Variants in BTBD8 observed in about 807,000 individuals in gnomAD.
BTBD8 encodes the protein BTB/POZ domain-containing protein 8.
In BTBD8, 110 loss-of-function variants were observed where a neutral mutation model predicts 162.9. The observed-to-expected ratio is 0.68, with a 90% CI of 0.58 to 0.79. BTBD8 has a LOEUF of 0.79. BTBD8 is among the 30% of genes least tolerant of loss of function. BTBD8 has a pLI of 0.00. For missense variants in BTBD8, 1,905 were observed against 2,085.4 expected, an observed-to-expected ratio of 0.91 and a Z score of 1.68; for synonymous variants, 667 against 716.1, an observed-to-expected ratio of 0.93 and a Z score of 1.10.
At chr1:92,163,306 G>C (rs1157886218) in intron 9 of BTBD8, among the ~76,000 whole-genome samples, 1 of 117,674 alleles carries the variant, frequency 8.5e-6, no homozygotes, top group African/African-American at 3.3e-5. Context: ...AGTGAGCCGA[G>C]ATCACGCCAC....
At chr1:92,100,755 A>G (rs1349753419) in intron 2 of BTBD8, among the ~76,000 whole-genome samples, 1 of 151,852 alleles carries the variant, frequency 6.6e-6, no homozygotes, top group Non-Finnish European at 1.5e-5. Context: ...GATTACAGGC[A>G]CCCTGTACCA....
At chr1:92,152,573 G>C (rs1165829839) in intron 9 of BTBD8, among the ~76,000 whole-genome samples, 8 of 152,150 alleles carry the variant, frequency 5.3e-5, no homozygotes, top group African/African-American at 1.4e-4. Context: ...GTATTCTGCT[G>C]TAACTGGAAT....
At chr1:92,122,964 A>G (rs1358036232) in intron 4 of BTBD8, among the ~76,000 whole-genome samples, 1 of 152,164 alleles carries the variant, frequency 6.6e-6, no homozygotes, top group African/African-American at 2.4e-5. Context: ...GTTCTTGCCC[A>G]TATTTTAATT....
chr1:92,083,252 C>T (rs1648073685), intron 1 of BTBD8, among the ~76,000 whole-genome samples: 1 of 152,080 alleles, frequency 6.6e-6, no homozygotes, highest in Non-Finnish European at 1.5e-5. Flanking sequence ...AAGCAGTCTG[C>T]CTCCTCTACA....
intron 4 of BTBD8, among the ~76,000 whole-genome samples, chr1:92,129,158 A>G (rs1406949506): frequency 6.6e-6 from 1 of 152,124 alleles, no homozygotes; most frequent in Non-Finnish European, 1.5e-5. Flanking sequence ...TAAAAAATTA[A>G]AGAACCTTCA....
intron 2 of BTBD8, among the ~76,000 whole-genome samples, chr1:92,100,288 GT>G (rs1406970047): frequency 4.6e-5 from 7 of 152,058 alleles, no homozygotes; most frequent in Non-Finnish European, 1.5e-5. Flanking sequence ...GTTGGCCTAT[GT>G]TTTTCTTTCC....
chr1:92,176,767 A>G (rs1188184573), intron 13 of BTBD8, 62 bp from the exon 14 acceptor site: 3 of 832,602 alleles, frequency 3.6e-6, no homozygotes, highest in Non-Finnish European at 5.2e-6. Flanking sequence ...TTTTGGAAAC[A>G]TAAAATATTA....
intron 9 of BTBD8, among the ~76,000 whole-genome samples, 163 bp from the exon 10 acceptor site, chr1:92,166,795 A>G (rs1650398098): frequency 6.6e-6 from 1 of 152,184 alleles, no homozygotes; most frequent in Non-Finnish European, 1.5e-5. Flanking sequence ...TTCTGAATTA[A>G]TGAATAAACA....
At chr1:92,146,879 C>T (rs1034681296) in intron 7 of BTBD8, among the ~76,000 whole-genome samples, 1 of 152,036 alleles carries the variant, frequency 6.6e-6, no homozygotes, top group African/African-American at 2.4e-5. Flanking sequence ...TGGTTGCTTC[C>T]AAGTTTGGGC....
chr1:92,165,535 G>A (rs1650366580), intron 9 of BTBD8, among the ~76,000 whole-genome samples: 1 of 151,686 alleles, frequency 6.6e-6, no homozygotes, highest in African/African-American at 2.4e-5. Context: ...GCTGTGCAGA[G>A]TCCACATCAT....
chr1:92,166,424 C>CTTTTTTTTTTT (rs35849731), intron 9 of BTBD8, among the ~76,000 whole-genome samples: 4 of 120,410 alleles, frequency 3.3e-5, no homozygotes, highest in South Asian at 2.6e-4. Flanking sequence ...TCTTTTCTTT[C>CTTTTTTTTTTT]TTTTTTTTTT....
Position 92,139,363 on chromosome 1 carries a change from G to A in BTBD8, c.766G>A (p.Glu256Lys), listed in dbSNP as rs1258874388. 11 of 1,588,090 alleles carry A rather than the reference G, an allele frequency of 6.9e-6. No homozygotes were observed. The highest frequency in any genetic ancestry group is 8.5e-6 in the Non-Finnish European group (10 of 1,172,946). Residue 256 changes from glutamate (E) to lysine (K), a missense_variant, in exon 6 of 18, where the codon GAA becomes AAA. Coordinates refer to ENST00000636805, the MANE Select transcript of BTBD8 (RefSeq NM_001376131.1). ...TTTATTTTTCAGTATAAGCCATGTA[G>A]AACTGAATGTTATGATGCATTTTAT... ...YVTLQGISHV[E>K]LNVMMHFIYG...
chr1:92,083,460 C>T (rs898922163), intron 1 of BTBD8, among the ~76,000 whole-genome samples: 1 of 152,048 alleles, frequency 6.6e-6, no homozygotes, highest in Non-Finnish European at 1.5e-5. Flanking sequence ...AGCCCATTGT[C>T]CATTCAGATG....
At chr1:92,170,574 T>C (rs997846423) in intron 12 of BTBD8, among the ~76,000 whole-genome samples, 2 of 152,194 alleles carry the variant, frequency 1.3e-5, no homozygotes, top group African/African-American at 4.8e-5. Flanking sequence ...TCATGGAAGA[T>C]GCATGGTAGT....
chr1:92,111,116 C>T (rs111820103), intron 4 of BTBD8, among the ~76,000 whole-genome samples: 2,603 of 151,944 alleles, frequency 0.017, 44 homozygotes, highest in Non-Finnish European at 0.023. Flanking sequence ...CTCACCCTCC[C>T]GAGTAGCTGG....
chr1:92,143,406 CAT>C (rs1027332046), intron 7 of BTBD8, among the ~76,000 whole-genome samples: 76 of 151,822 alleles, frequency 5.0e-4, no homozygotes, highest in African/African-American at 1.7e-3. Context: ...ACACAAAAGA[CAT>C]TTTTTATATT....
chr1:92,162,503 A>T (rs1650293414), intron 9 of BTBD8, among the ~76,000 whole-genome samples: 1 of 152,230 alleles, frequency 6.6e-6, no homozygotes, highest in Non-Finnish European at 1.5e-5. Context: ...TGAATTCTAT[A>T]TTAGTGTTTT....
chr1:92,148,638 C>T (rs920469841), intron 9 of BTBD8, among the ~76,000 whole-genome samples: 4 of 152,222 alleles, frequency 2.6e-5, no homozygotes, highest in Non-Finnish European at 5.9e-5. Flanking sequence ...ATAGGTGTGG[C>T]ACCACACACA....
rs138972955 is a variant in BTBD8 at position 92,106,387 on chromosome 1, G to C, written c.545-1497G>C. ...AGGCAAAAGTGTACTCCTGCCAGGCGTGGTGGCTCACGCCTGTAATCCCAG... is the reference window on the plus strand; with the variant it reads ...AGGCAAAAGTGTACTCCTGCCAGGCCTGGTGGCTCACGCCTGTAATCCCAG... On this transcript the variant is annotated intron_variant, in intron 3 of 17. Coordinates refer to ENST00000636805, the MANE Select transcript of BTBD8 (RefSeq NM_001376131.1). Among the ~76,000 whole-genome samples the C allele has an allele frequency of 1.8e-3, 267 of 151,926 alleles. 3 individuals are homozygous for C. Among genetic ancestry groups the C allele is most frequent in the African/African-American group, 5.9e-3 (244 of 41,458 alleles).
Sources: gnomAD v4.1 joint callset for allele counts (sites outside exome capture counted in the v4.1 genomes callset) on GRCh38, gnomAD v4.1.1 for gene constraint, MANE v1.5 for transcripts, NCBI Gene and HGNC (gene_info 2026-07-23, HGNC 2026-07-21) for gene names.